COL4A2: variants seen among roughly 807,000 people sequenced by gnomAD.
COL4A2 encodes the protein collagen type IV alpha 2 chain, also known as collagen alpha-2(IV) chain.
In COL4A2, 99 loss-of-function variants were observed where a neutral mutation model predicts 200.2. The ratio of observed to expected loss-of-function variants is 0.49; its 90% CI spans 0.42 to 0.58. The LOEUF (loss-of-function observed/expected upper bound fraction) is 0.58. COL4A2 is among the 20% of genes least tolerant of loss of function. The pLI is 0.00. For synonymous variants in COL4A2, 897 were observed against 900.6 expected, an observed-to-expected ratio of 1.00 and a Z score of 0.07; for missense variants, 1,950 against 2,314.1, an observed-to-expected ratio of 0.84 and a Z score of 3.23.
rs1424466893 is a variant in COL4A2 at position 110,307,788 on chromosome 13, G to A, written c.-44-72G>A. 1.4e-6 allele frequency: 2 copies of A among 1,390,624 alleles called. No homozygotes were observed. Among genetic ancestry groups the A allele is most frequent in the Admixed American group, 2.3e-5 (1 of 43,240 alleles). 86.1% of individuals were successfully genotyped at this position (1,390,624 alleles called of 1,614,324 possible). A position where few individuals can be genotyped will look rare whatever the true frequency, so the allele number is the denominator to read the frequency against. On this transcript the variant is annotated intron_variant, in intron 1 of 47. Transcript: ENST00000360467. The surrounding 1 kb of genome is among the most constrained non-coding windows in gnomAD (Gnocchi z 5.0). ...CACCGCGCTGTCCCCGCGTCTCGCG[G>A]ACCGAGACCGGCGGTGAGGATGGGC... is the stretch of plus-strand genomic sequence containing the variant.
intron 4 of COL4A2, among the ~76,000 whole-genome samples, chr13:110,386,054 GTTT>G (rs1878733921): frequency 1.7e-5 from 2 of 114,886 alleles, no homozygotes; most frequent in Non-Finnish European, 4.1e-5. Context: ...CCGTGGTTAC[GTTT>G]TGTGGATAAA....
chr13:110,497,316 G>A (rs1030332450), intron 40 of COL4A2, among the ~76,000 whole-genome samples: 12 of 151,620 alleles, frequency 7.9e-5, no homozygotes, highest in South Asian at 4.2e-4. Context: ...CTCACTCAGG[G>A]GTGAGGATCT....
intron 24 of COL4A2, among the ~76,000 whole-genome samples, chr13:110,464,193 G>T (rs1882142063): frequency 6.6e-6 from 1 of 152,190 alleles, no homozygotes; most frequent in Non-Finnish European, 1.5e-5. Context: ...CAGCCATGGG[G>T]TTCACCCACC....
intron 6 of COL4A2, among the ~76,000 whole-genome samples, chr13:110,426,707 T>A (rs1293321263): frequency 6.6e-6 from 1 of 152,222 alleles, no homozygotes; most frequent in African/African-American, 2.4e-5. Context: ...TAGATTGACA[T>A]GCAATTTCAA....
intron 4 of COL4A2, among the ~76,000 whole-genome samples, chr13:110,378,091 C>T (rs372143972): frequency 2.0e-5 from 3 of 152,194 alleles, no homozygotes; most frequent in African/African-American, 4.8e-5. Flanking sequence ...CCAGGCGTCT[C>T]GAATCGAGAT....
chr13:110,358,718 T>A (rs1434062565), intron 4 of COL4A2, among the ~76,000 whole-genome samples: 2 of 152,226 alleles, frequency 1.3e-5, no homozygotes, highest in Admixed American at 6.5e-5. Flanking sequence ...GGTGCCTGAT[T>A]GTACTTCCAT....
chr13:110,443,147 A>G (rs141959600), intron 16 of COL4A2, among the ~76,000 whole-genome samples: 2 of 152,316 alleles, frequency 1.3e-5, no homozygotes, highest in African/African-American at 4.8e-5. Context: ...TGGAACTCTC[A>G]CTGTCTTTAG....
chr13:110,482,476 A>G (rs1287627424), intron 31 of COL4A2, 40 bp from the exon 32 acceptor site: 8 of 1,596,524 alleles, frequency 5.0e-6, no homozygotes, highest in Non-Finnish European at 6.9e-6. Flanking sequence ...CATGCATTTT[A>G]TTCATGTCTA....
intron 20 of COL4A2, among the ~76,000 whole-genome samples, chr13:110,455,974 A>C (rs980505646): frequency 1.3e-5 from 2 of 152,214 alleles, no homozygotes; most frequent in African/African-American, 4.8e-5. Flanking sequence ...AACAGTGAGG[A>C]GGACAGATAG....
chr13:110,499,741 G>A (rs936867015), intron 40 of COL4A2, among the ~76,000 whole-genome samples: 9 of 152,174 alleles, frequency 5.9e-5, no homozygotes, highest in African/African-American at 9.7e-5. Context: ...AGCGGTTTCC[G>A]TCTAGATTCC....
chr13:110,310,543 C>T (rs928113101), intron 3 of COL4A2, among the ~76,000 whole-genome samples: 33 of 152,194 alleles, frequency 2.2e-4, no homozygotes, highest in African/African-American at 7.2e-4. Flanking sequence ...TAGTTTGTTA[C>T]GTTCAACAAG....
intron 3 of COL4A2, among the ~76,000 whole-genome samples, chr13:110,308,682 C>T (rs1193968529): frequency 6.6e-6 from 1 of 152,102 alleles, no homozygotes; most frequent in Non-Finnish European, 1.5e-5. Flanking sequence ...CTGTTCCGGC[C>T]CTGGAAGAGC....
At chr13:110,415,375 A>G (rs769518175) in intron 4 of COL4A2, among the ~76,000 whole-genome samples, 19 of 152,340 alleles carry the variant, frequency 1.2e-4, no homozygotes, top group Non-Finnish European at 2.4e-4. Flanking sequence ...GAGAAGGACA[A>G]TGGTGGTTAT....
rs886049972 is a variant in COL4A2 at position 110,458,789 on chromosome 13, G to A, written c.1451G>A (p.Arg484Lys). Reference protein sequence around the residue: ...KGWKGDAGECRCTEGDEAIKG... With the variant: ...KGWKGDAGECKCTEGDEAIKG... ...TCTGCAGGTGACGCTGGGGAATGCA[G>A]ATGTACAGAAGGCGACGAAGCTATC... The change falls in exon 22 of 48, where the codon AGA becomes AAA. Residue 484 changes from arginine to lysine, a missense_variant. Arg to Lys is a conservative substitution (Grantham distance 26). Around this residue, in one of 2 missense-constraint regions of COL4A2, gnomAD observed 1,385 missense variants for 1,720.5 expected, o/e 0.80. Transcript: ENST00000360467. 5 of 1,614,090 alleles carry A rather than the reference G, an allele frequency of 3.1e-6. No homozygotes were observed. Among genetic ancestry groups the A allele is most frequent in the Non-Finnish European group, 4.2e-6 (5 of 1,179,994 alleles).
intron 17 of COL4A2, 27 bp downstream of exon 17, chr13:110,445,909 A>T (rs748835864): frequency 6.2e-7 from 1 of 1,613,792 alleles, no homozygotes; most frequent in South Asian, 1.1e-5. Context: ...TGTCTTTGCC[A>T]CTTATGGTGT....
chr13:110,417,093 G>A (rs1880071831), intron 4 of COL4A2, among the ~76,000 whole-genome samples: 1 of 151,336 alleles, frequency 6.6e-6, no homozygotes, highest in Non-Finnish European at 1.5e-5. Flanking sequence ...CCATTCTTCT[G>A]CCTCAACCTC....
chr13:110,366,604 G>C (rs1877764498), intron 4 of COL4A2, among the ~76,000 whole-genome samples: 1 of 152,160 alleles, frequency 6.6e-6, no homozygotes, highest in African/African-American at 2.4e-5. Flanking sequence ...TTTCCTCCCT[G>C]AGGGGCCTTT....
intron 4 of COL4A2, among the ~76,000 whole-genome samples, chr13:110,387,667 C>A (rs1333149840): frequency 2.0e-5 from 3 of 152,228 alleles, no homozygotes; most frequent in Non-Finnish European, 4.4e-5. Flanking sequence ...ATCTGGAGTT[C>A]GGTTTTTCTA....
chr13:110,474,994 TCA>T (rs1404473302), intron 29 of COL4A2, among the ~76,000 whole-genome samples: 1 of 150,474 alleles, frequency 6.6e-6, no homozygotes, highest in Admixed American at 6.6e-5. Flanking sequence ...CTGTGCACAC[TCA>T]CACATGATCG....
Sources: gnomAD v4.1 joint callset for allele counts (sites outside exome capture counted in the v4.1 genomes callset) on GRCh38, gnomAD v4.1.1 for gene constraint, gnomAD v4.1.1 regional missense constraint, Gnocchi (gnomAD v3.1) non-coding constraint, MANE v1.5 for transcripts, NCBI Gene and HGNC (gene_info 2026-07-23, HGNC 2026-07-21) for gene names.